RSPH10B2: variants seen among roughly 807,000 people sequenced by gnomAD.
The protein encoded by RSPH10B2 is radial spoke head 10 homolog B2 (Chlamydomonas).
In RSPH10B2, 9 loss-of-function variants were observed where a neutral mutation model predicts 49.0. The ratio of observed to expected loss-of-function variants is 0.18; its 90% CI spans 0.11 to 0.32. RSPH10B2 has a LOEUF of 0.32. Ranked by LOEUF, RSPH10B2 falls within the 10% of genes least tolerant of loss-of-function variation. RSPH10B2 has a pLI of 1.00. For synonymous variants in RSPH10B2, 35 were observed against 210.2 expected (o/e 0.17, Z 7.21); for missense variants, 95 against 589.9 (o/e 0.16, Z 8.69).
At chr7:6,768,088 A>G (rs1781517112) in intron 6 of RSPH10B2, among the ~76,000 whole-genome samples, 1 of 99,854 alleles carries the variant, frequency 1.0e-5, no homozygotes, top group African/African-American at 4.7e-5. Flanking sequence ...GCTACTTGGG[A>G]GGCTGAGGAT....
chr7:6,784,819 G>T, intron 13 of RSPH10B2, among the ~76,000 whole-genome samples: 1 of 107,556 alleles, frequency 9.3e-6, no homozygotes, highest in South Asian at 4.3e-4. Context: ...GCCTGCCTCG[G>T]CCTCCCAAAG....
intron 17 of RSPH10B2, chr7:6,794,260 C>G (rs1351745815): frequency 6.5e-6 from 1 of 153,118 alleles, no homozygotes; most frequent in Admixed American, 6.5e-5. Flanking sequence ...GCACTGTCCT[C>G]CCCAGGCCAC....
At chr7:6,797,074 T>A (rs539952875) in intron 18 of RSPH10B2, 1 of 337,706 alleles carries the variant, frequency 3.0e-6, no homozygotes, top group African/African-American at 2.2e-5. Context: ...AGTGGTATGA[T>A]CTCAGCTCAC....
chr7:6,791,156 C>G (rs1490297990), intron 16 of RSPH10B2, among the ~76,000 whole-genome samples: 50 of 133,012 alleles, frequency 3.8e-4, no homozygotes, highest in Non-Finnish European at 4.7e-4. Context: ...CACCCACCCC[C>G]ACGCCCGGCT....
At chr7:6,769,588 CT>C (rs1288929803) in intron 7 of RSPH10B2, among the ~76,000 whole-genome samples, 2 of 94,368 alleles carry the variant, frequency 2.1e-5, no homozygotes, top group African/African-American at 9.9e-5. Flanking sequence ...GATTACATGA[CT>C]TTTTTTTTCT....
At chr7:6,797,094 C>T (rs1346877812) in intron 18 of RSPH10B2, among the ~76,000 whole-genome samples, 3 of 141,918 alleles carry the variant, frequency 2.1e-5, no homozygotes, top group East Asian at 2.1e-4. Flanking sequence ...CTGCAACCTC[C>T]GCCTCCCGGG....
Position 6,781,564 on chromosome 7 carries a change from C to A in RSPH10B2, c.1758+88C>A, listed in dbSNP as rs1176150059. 4.1e-6 allele frequency: 5 copies of A among 1,234,012 alleles called. 1 individual carries two copies. Among genetic ancestry groups the A allele is most frequent in the East Asian group, 6.1e-5 (2 of 32,656 alleles). The allele number at this position is 1,234,012 out of a possible 1,614,324, so 76.4% of individuals were successfully genotyped here. On this transcript the variant is annotated intron_variant, in intron 13 of 18. Transcript: ENST00000297186. Reference sequence around the variant, plus strand: ...GGCAGGATATTCCAGCTGTGATATGCAAATTATCAGGTGAAGATCTGGGCT... The same window carrying A: ...GGCAGGATATTCCAGCTGTGATATGAAAATTATCAGGTGAAGATCTGGGCT...
chr7:6,763,850 AACCGCCCGCAGG>A, intron 3 of RSPH10B2, 66 bp from the exon 6 acceptor site: 1 of 1,550,182 alleles, frequency 6.5e-7, no homozygotes, highest in Non-Finnish European at 8.9e-7. Flanking sequence ...CAGCTCCTGG[AACCGCCCGCAGG>A]ACTAGGGATT....
chr7:6,797,014 TTTA>T (rs1337218523), intron 18 of RSPH10B2: 1 of 367,116 alleles, frequency 2.7e-6, no homozygotes, highest in East Asian at 6.9e-5. Context: ...AGTTTCTAGT[TTTA>T]TTTTTTTTTT....
intron 4 of RSPH10B2, among the ~76,000 whole-genome samples, chr7:6,764,342 C>G (rs1281879307): frequency 6.7e-6 from 1 of 149,944 alleles, no homozygotes; most frequent in African/African-American, 2.5e-5. Flanking sequence ...AAATTCACAT[C>G]ACATAAATTA....
At chr7:6,776,938 G>T (rs1781769705) in intron 10 of RSPH10B2, among the ~76,000 whole-genome samples, 1 of 126,742 alleles carries the variant, frequency 7.9e-6, no homozygotes, top group Admixed American at 8.3e-5. Flanking sequence ...AAAGGCAGGG[G>T]TCCCCAACCC....
upstream of RSPH10B2, among the ~76,000 whole-genome samples, chr7:6,756,183 T>G (rs1781077915): frequency 7.0e-6 from 1 of 142,734 alleles, no homozygotes; most frequent in Non-Finnish European, 1.5e-5. Context: ...GGCAGGAGAA[T>G]GGCATGAACC....
intron 18 of RSPH10B2, among the ~76,000 whole-genome samples, chr7:6,797,675 A>C (rs1187280625): frequency 2.0e-5 from 3 of 152,180 alleles, no homozygotes. Flanking sequence ...TTAATACAGC[A>C]AGACCTCATC....
chr7:6,797,682 C>T (rs1438766765), intron 18 of RSPH10B2, among the ~76,000 whole-genome samples: 1 of 152,142 alleles, frequency 6.6e-6, no homozygotes, highest in Admixed American at 6.5e-5. Flanking sequence ...AGCAAGACCT[C>T]ATCTCTACAA....
chr7:6,770,903 C>CAAAA (rs1360858598), intron 7 of RSPH10B2, among the ~76,000 whole-genome samples: 1 of 128,888 alleles, frequency 7.8e-6, no homozygotes. Flanking sequence ...GACTCCGTCT[C>CAAAA]AAAAAAAAAA....
At chr7:6,768,390 A>G (rs990922852) in intron 6 of RSPH10B2, among the ~76,000 whole-genome samples, 200 bp from the exon 9 acceptor site, 2 of 151,416 alleles carry the variant, frequency 1.3e-5, no homozygotes, top group Non-Finnish European at 3.0e-5. Flanking sequence ...AGGAACTTAG[A>G]GGGCTTAAGT....
At position 6,776,922 on chromosome 7, in the gene RSPH10B2, C is replaced by T. The variant is rs865925322; in HGVS notation, c.1414+376C>T. Among the ~76,000 whole-genome samples, 53 of 126,930 alleles carry T rather than the reference C, an allele frequency of 4.2e-4. 3 individuals carry two copies. Among genetic ancestry groups the T allele is most frequent in the African/African-American group, 1.1e-3 (38 of 34,652 alleles). The allele number at this position is 126,930 out of a possible 152,430, so 83.3% of individuals were successfully genotyped here. ...ACACACACACACACACACACACACA[C>T]ACACAAAAGGCAGGGGTCCCCAACC... On this transcript the variant is annotated intron_variant, in intron 10 of 18. Transcript: ENST00000297186.
intron 17 of RSPH10B2, among the ~76,000 whole-genome samples, chr7:6,792,703 C>T (rs966919973): frequency 0.013 from 1,290 of 95,994 alleles, 84 homozygotes; most frequent in African/African-American, 0.033. Context: ...GTTACTCTGC[C>T]GGCCTTGCCA....
In RSPH10B2 at chr7:6,781,744, GTA is replaced by G. The variant is rs1435209050; in HGVS notation, c.1758+280_1758+281del. ...CCTATAACAATGGCCCATGGCATGCGTATATATATATATTGCAATCCCAGCAC... is the reference window on the plus strand; with the variant it reads ...CCTATAACAATGGCCCATGGCATGCGTATATATATATTGCAATCCCAGCAC... On this transcript the variant is annotated intron_variant, in intron 13 of 18. Transcript: ENST00000297186. 5.2e-5 allele frequency among the ~76,000 whole-genome samples: 5 copies of G among 95,290 alleles called. 1 individual carries two copies. The highest frequency in any genetic ancestry group is 4.3e-5 in the Non-Finnish European group (2 of 46,982). 62.5% of individuals were successfully genotyped at this position (95,290 alleles called of 152,430 possible).
Sources: gnomAD v4.1 joint callset for allele counts (sites outside exome capture counted in the v4.1 genomes callset) on GRCh38, gnomAD v4.1.1 for gene constraint, MANE v1.5 for transcripts, NCBI Gene and HGNC (gene_info 2026-07-23, HGNC 2026-07-21) for gene names.